KLHL1: variants seen among roughly 807,000 people sequenced by gnomAD.
The protein encoded by KLHL1 is kelch-like protein 1.
In KLHL1, 47 loss-of-function variants were observed where a neutral mutation model predicts 77.7. The observed-to-expected ratio is 0.60, with a 90% CI of 0.48 to 0.77. The LOEUF (loss-of-function observed/expected upper bound fraction) is 0.77, where lower values mean the gene tolerates loss of function less well. Among genes scored for constraint, KLHL1 ranks in the 30% least tolerant of loss-of-function variants. The probability of loss-of-function intolerance (pLI) is 0.00; values close to 1 mark genes in which losing one functional copy is unlikely to be tolerated. For missense variants in KLHL1, 925 were observed against 910.8 expected (o/e 1.02, Z -0.20); for synonymous variants, 360 against 325.2 (o/e 1.11, Z -1.15).
intron 5 of KLHL1, among the ~76,000 whole-genome samples, chr13:69,857,044 T>G (rs1879946026): frequency 6.6e-6 from 1 of 152,072 alleles, no homozygotes; most frequent in Non-Finnish European, 1.5e-5. Context: ...TGAACAATAG[T>G]AAATTCCGAA....
In KLHL1 at chr13:70,088,025, G is replaced by A. The variant is rs368934043; in HGVS notation, c.497+19178C>T. Among the ~76,000 whole-genome samples, 19 of 152,234 alleles carry A rather than the reference G, an allele frequency of 1.2e-4. 1 individual carries two copies. Among genetic ancestry groups the A allele is most frequent in the African/African-American group, 4.6e-4 (19 of 41,532 alleles). On this transcript the variant is annotated intron_variant, in intron 1 of 10. Coordinates refer to ENST00000377844, the MANE Select transcript of KLHL1 (RefSeq NM_020866.3). ...GGTGCAGCAAATCACCATGGCACATGTTTATCTATGTAATAAACCTGCATG... is the reference window on the plus strand; with the variant it reads ...GGTGCAGCAAATCACCATGGCACATATTTATCTATGTAATAAACCTGCATG...
intron 7 of KLHL1, among the ~76,000 whole-genome samples, chr13:69,766,162 T>C (rs889957042): frequency 3.3e-5 from 5 of 152,136 alleles, no homozygotes; most frequent in Non-Finnish European, 5.9e-5. Context: ...TTCCTATATA[T>C]GAATATTATT....
intron 7 of KLHL1, among the ~76,000 whole-genome samples, chr13:69,788,879 A>T (rs1222828592): frequency 6.6e-6 from 1 of 152,154 alleles, no homozygotes; most frequent in Non-Finnish European, 1.5e-5. Context: ...TTTCTGATTT[A>T]TTAGTTATAA....
At chr13:69,735,301 T>TC (rs534001580) in intron 8 of KLHL1, among the ~76,000 whole-genome samples, 64 of 151,626 alleles carry the variant, frequency 4.2e-4, no homozygotes, top group African/African-American at 1.5e-3. Flanking sequence ...ATAAAGGTTT[T>TC]CAATTAAAAT....
chr13:69,989,438 G>C (rs1884965411), intron 1 of KLHL1, among the ~76,000 whole-genome samples: 1 of 151,806 alleles, frequency 6.6e-6, no homozygotes, highest in African/African-American at 2.4e-5. Flanking sequence ...ATAGTTTTGA[G>C]TATTCAGGCT....
chr13:70,008,319 G>A (rs959023661), intron 1 of KLHL1, among the ~76,000 whole-genome samples: 1 of 151,986 alleles, frequency 6.6e-6, no homozygotes, highest in African/African-American at 2.4e-5. Flanking sequence ...TTGTTTCACT[G>A]ATTGAGAACA....
chr13:69,822,921 GT>G (rs202063847), intron 6 of KLHL1, among the ~76,000 whole-genome samples: 2,203 of 152,136 alleles, frequency 0.014, 53 homozygotes, highest in African/African-American at 0.049. Flanking sequence ...GTGCAATTCA[GT>G]TTTTTCAAAA....
intron 4 of KLHL1, among the ~76,000 whole-genome samples, chr13:69,886,140 T>C (rs1881208790): frequency 6.6e-6 from 1 of 152,080 alleles, no homozygotes; most frequent in African/African-American, 2.4e-5. Flanking sequence ...TTTGAACATA[T>C]TGAATCTCAT....
At chr13:70,040,410 G>T (rs1886347048) in intron 1 of KLHL1, among the ~76,000 whole-genome samples, 1 of 152,134 alleles carries the variant, frequency 6.6e-6, no homozygotes, top group South Asian at 2.1e-4. Flanking sequence ...GCATCATGCA[G>T]TATACACATG....
At position 69,880,294 on chromosome 13, in the gene KLHL1, G is replaced by A. The variant is rs192542163; in HGVS notation, c.1227+1989C>T. Among the ~76,000 whole-genome samples the A allele has an allele frequency of 9.9e-5, 15 of 152,070 alleles. No individual in the cohort carries two copies. In the East Asian group the frequency reaches 1.7e-3, roughly 18 times the overall value. ...TTATAATGACACATAATTCATTAAC[G>A]TTAGTTGTAGAAGTGATAGCCCTTC... is the stretch of plus-strand genomic sequence containing the variant. On this transcript the variant is annotated intron_variant, in intron 5 of 10. Transcript: ENST00000377844.
At chr13:70,034,366 T>C (rs1036247559) in intron 1 of KLHL1, among the ~76,000 whole-genome samples, 1 of 152,158 alleles carries the variant, frequency 6.6e-6, no homozygotes, top group African/African-American at 2.4e-5. Context: ...ACTAGATTCT[T>C]TAGGTCAGAG....
At chr13:69,858,065 G>A (rs552609438) in intron 5 of KLHL1, among the ~76,000 whole-genome samples, 5 of 152,134 alleles carry the variant, frequency 3.3e-5, no homozygotes, top group African/African-American at 1.2e-4. Context: ...GTAAATAAGG[G>A]CAGAGGCCAC....
intron 1 of KLHL1, among the ~76,000 whole-genome samples, chr13:70,023,506 A>G (rs192019995): frequency 8.0e-4 from 122 of 152,006 alleles, no homozygotes; most frequent in Admixed American, 2.0e-3. Flanking sequence ...TCATACTCAC[A>G]TTTTTCTAAC....
chr13:69,824,806 C>T (rs1878480287), intron 6 of KLHL1, among the ~76,000 whole-genome samples: 1 of 151,984 alleles, frequency 6.6e-6, no homozygotes, highest in African/African-American at 2.4e-5. Context: ...AGTGGCAATG[C>T]TCTATCATGT....
At chr13:69,773,563 T>C (rs936926168) in intron 7 of KLHL1, among the ~76,000 whole-genome samples, 3 of 151,998 alleles carry the variant, frequency 2.0e-5, no homozygotes, top group African/African-American at 7.2e-5. Context: ...ATATATAATC[T>C]TTTATTTATG....
rs530551943 is a variant in KLHL1 at position 69,845,731 on chromosome 13, T to C, written c.1228-6569A>G. Among the ~76,000 whole-genome samples, 3 of 151,660 alleles carry C rather than the reference T, an allele frequency of 2.0e-5. No homozygotes were observed. The South Asian group carries it at 6.2e-4, about 31-fold the overall frequency. ...ATAAAATTTAATACTAACATGAATA[T>C]TTCTATGAAGGTAATGAACAAAATA... On this transcript the variant is annotated intron_variant, in intron 5 of 10. Coordinates refer to ENST00000377844, the MANE Select transcript of KLHL1 (RefSeq NM_020866.3).
Position 69,837,618 on chromosome 13 carries a change from A to C in KLHL1, c.1414+1358T>G, listed in dbSNP as rs1048623555. On this transcript the variant is annotated intron_variant, in intron 6 of 10. Transcript: ENST00000377844. ...TATACACATACATCTCTCTCTCTAT[A>C]TATATGTGTGTGTATATATATATAT... Among the ~76,000 whole-genome samples, 88 of 136,922 alleles carry C rather than the reference A, an allele frequency of 6.4e-4. 2 individuals carry two copies. The highest frequency in any genetic ancestry group is 2.3e-3 in the African/African-American group (76 of 33,420). 89.8% of individuals were successfully genotyped at this position (136,922 alleles called of 152,430 possible).
At chr13:69,722,929 A>T (rs1478305541) in intron 8 of KLHL1, among the ~76,000 whole-genome samples, 1 of 152,032 alleles carries the variant, frequency 6.6e-6, no homozygotes, top group Non-Finnish European at 1.5e-5. Context: ...AATGCTCAAC[A>T]ATGGATAAAT....
Position 69,780,745 on chromosome 13 carries a change from CATATATATAT to C in KLHL1, c.1639+15983_1639+15992del, listed in dbSNP as rs72123116. Among the ~76,000 whole-genome samples the C allele has an allele frequency of 3.0e-3, 101 of 33,816 alleles. 2 individuals carry two copies. The highest frequency in any genetic ancestry group is 0.032 in the Middle Eastern group (2 of 62). 22.2% of individuals were successfully genotyped at this position (33,816 alleles called of 152,430 possible). A position where few individuals can be genotyped will look rare whatever the true frequency, so the allele number is the denominator to read the frequency against. The stretch of plus-strand genomic sequence containing the variant: ...ATATATATATATACATATATATATA[CATATATATAT>C]ATACACACACATTTATATATAACAT... On this transcript the variant is annotated intron_variant, in intron 7 of 10. Coordinates refer to ENST00000377844, the MANE Select transcript of KLHL1 (RefSeq NM_020866.3).
Sources: allele counts gnomAD v4.1 joint callset (sites outside exome capture counted in the v4.1 genomes callset), GRCh38; gene constraint gnomAD v4.1.1; transcripts MANE v1.5; gene names NCBI Gene and HGNC (gene_info 2026-07-23, HGNC 2026-07-21).